The following CTSH variants were observed in gnomAD, a reference collection of about 807,000 sequenced individuals.
The protein encoded by CTSH is pro-cathepsin H.
CTSH carries 52 observed loss-of-function variants against 56.3 expected under a neutral mutation model. The observed-to-expected ratio is 0.92, with a 90% confidence interval of 0.74 to 1.16. CTSH has a LOEUF of 1.16. Ranked by LOEUF, CTSH falls within the 50% of genes most tolerant of loss-of-function variation. The pLI is 0.00. For missense variants in CTSH, 406 were observed against 424.5 expected (o/e 0.96, Z 0.38); for synonymous variants, 174 against 155.7 (o/e 1.12, Z -0.88).
chr15:78,941,475 C>T (rs897393001), intron 1 of CTSH, among the ~76,000 whole-genome samples: 1 of 145,518 alleles, frequency 6.9e-6, no homozygotes, highest in African/African-American at 2.5e-5. Context: ...TACCTGTGAC[C>T]CATACATCTG....
intron 1 of CTSH, among the ~76,000 whole-genome samples, chr15:78,940,991 A>G (rs1042261497): frequency 1.3e-5 from 2 of 152,104 alleles, no homozygotes; most frequent in Non-Finnish European, 2.9e-5. Context: ...AAAGAGTCAG[A>G]TATTATACAG....
chr15:78,923,647 C>T (rs186563508), intron 10 of CTSH, among the ~76,000 whole-genome samples: 9 of 152,232 alleles, frequency 5.9e-5, no homozygotes, highest in Admixed American at 1.3e-4. Flanking sequence ...GGTGCTGGCC[C>T]GTGTCTCACC....
intron 5 of CTSH, among the ~76,000 whole-genome samples, chr15:78,934,027 G>A (rs2055121138): frequency 6.6e-6 from 1 of 152,188 alleles, no homozygotes; most frequent in South Asian, 2.1e-4. Flanking sequence ...TAGGTTACGT[G>A]TTGCTCTGAA....
At chr15:78,936,205 C>G (rs1162117481) in intron 3 of CTSH, among the ~76,000 whole-genome samples, 1 of 120,656 alleles carries the variant, frequency 8.3e-6, no homozygotes, top group African/African-American at 3.1e-5. Context: ...TTTTTTGAGA[C>G]AGAGTCTCGC....
At chr15:78,924,151 G>A (rs1172904192) in intron 10 of CTSH, among the ~76,000 whole-genome samples, 6 of 150,136 alleles carry the variant, frequency 4.0e-5, no homozygotes, top group Non-Finnish European at 5.9e-5. Flanking sequence ...CTGTGGAGGC[G>A]GGGAACGCCC....
intron 10 of CTSH, 22 bp from the exon 11 acceptor site, chr15:78,923,140 G>A (rs1000761720): frequency 2.5e-6 from 4 of 1,612,594 alleles, no homozygotes; most frequent in African/African-American, 2.7e-5. Context: ...AATTCAAAAA[G>A]AGGTGATCAT....
At chr15:78,926,485 C>T (rs1261427334) in intron 9 of CTSH, 1 of 152,298 alleles carries the variant, frequency 6.6e-6, no homozygotes, top group Non-Finnish European at 1.5e-5. Context: ...CTGGCCTGGT[C>T]GTCAGGGCCC....
At chr15:78,922,884 G>T in intron 11 of CTSH, 109 bp downstream of exon 11, 2 of 1,376,030 alleles carry the variant, frequency 1.5e-6, no homozygotes, top group South Asian at 1.5e-5. Context: ...GGGCTTGGCT[G>T]ACCAGCTCGT....
intron 2 of CTSH, 114 bp downstream of exon 2, chr15:78,939,026 C>A: frequency 2.1e-6 from 2 of 967,938 alleles, no homozygotes; most frequent in Non-Finnish European, 1.6e-6. Context: ...AAAGACCCCA[C>A]TAGGCAAAGT....
chr15:78,933,605 C>A, intron 5 of CTSH: 1 of 445,198 alleles, frequency 2.2e-6, no homozygotes. Context: ...AGACAGTCAA[C>A]GAGGCAGACG....
chr15:78,931,568 G>A lies in CTSH; in HGVS notation c.493-62C>T, dbSNP rs868445396. 1.5e-5 allele frequency: 25 copies of A among 1,613,120 alleles called. No homozygotes were observed. In the African/African-American group the frequency reaches 2.8e-4, roughly 18 times the overall value. On this transcript the variant is annotated intron_variant, in intron 6 of 11. Coordinates refer to ENST00000220166, the MANE Select transcript of CTSH (RefSeq NM_004390.5). ...AGAAGCCGTCAAGGCTTTGGCGTGAGGCGCTAAGCCTCCCTGGCTGAGCCA... is the reference window on the plus strand; with the variant it reads ...AGAAGCCGTCAAGGCTTTGGCGTGAAGCGCTAAGCCTCCCTGGCTGAGCCA...
chr15:78,926,136 C>G (rs1298239042), intron 9 of CTSH: 1 of 152,512 alleles, frequency 6.6e-6, no homozygotes, highest in African/African-American at 2.4e-5. Flanking sequence ...GTGCACTAAC[C>G]AAGAGACCTC....
Position 78,922,204 on chromosome 15 carries a change from A to G in CTSH, c.934T>C (p.Tyr312His), listed in dbSNP as rs763681188. ...TTCTTTCCGCGCTCGATGAGGAAGTACCTGGGCAGAAAGAGGAGCTGAGGC... is the reference window on the plus strand; with the variant it reads ...TTCTTTCCGCGCTCGATGAGGAAGTGCCTGGGCAGAAAGAGGAGCTGAGGC... ...SWGPQWGMNG[Y>H]FLIERGKNMC... Residue 312 changes from tyrosine (Y) to histidine (H), a missense_variant and splice_region_variant, in exon 12 of 12, where the codon TAC (tyrosine) becomes CAC (histidine). Transcript: ENST00000220166. The G allele has an allele frequency of 2.7e-5, 42 of 1,573,044 alleles. No homozygotes were observed. Among genetic ancestry groups the G allele is most frequent in the Non-Finnish European group, 3.6e-5 (42 of 1,159,584 alleles).
intron 1 of CTSH, among the ~76,000 whole-genome samples, chr15:78,941,422 T>TAAAAAA (rs35226827): frequency 2.1e-5 from 1 of 48,448 alleles, no homozygotes; most frequent in Non-Finnish European, 3.2e-5. Flanking sequence ...AGACTCTGTC[T>TAAAAAA]AAAAAAAAAA....
At chr15:78,930,027 C>T (rs2055015602) in intron 7 of CTSH, among the ~76,000 whole-genome samples, 1 of 152,230 alleles carries the variant, frequency 6.6e-6, no homozygotes, top group African/African-American at 2.4e-5. Context: ...CAATCCCCGT[C>T]CCTTCTCTGT....
chr15:78,927,935 A>T (rs544174259), intron 8 of CTSH, among the ~76,000 whole-genome samples, 154 bp from the exon 9 acceptor site: 6 of 152,180 alleles, frequency 3.9e-5, no homozygotes, highest in African/African-American at 1.2e-4. Flanking sequence ...CTTGTCCTCA[A>T]GGAGCTTAGG....
At chr15:78,923,155 G>A in intron 10 of CTSH, 37 bp from the exon 11 acceptor site, 1 of 1,611,022 alleles carries the variant, frequency 6.2e-7, no homozygotes, top group East Asian at 2.2e-5. Context: ...GATCATATGG[G>A]AAGGATAAAA....
rs190446665 is a variant in CTSH, at chr15:78,923,185, A to G, written c.807-67T>C. On this transcript the variant is annotated intron_variant, in intron 10 of 11. Coordinates refer to ENST00000220166, the MANE Select transcript of CTSH (RefSeq NM_004390.5). ...ATAAAAGCAATGACAGTCCCATCCA[A>G]CAACGCCTCTTTGAGCGCTTTAGAG... 178 of 1,582,082 alleles carry G rather than the reference A, an allele frequency of 1.1e-4. No homozygotes were observed. The African/African-American group carries it at 2.0e-3, about 18-fold the overall frequency.
chr15:78,931,772 C>T, intron 6 of CTSH: 1 of 1,393,542 alleles, frequency 7.2e-7, no homozygotes, highest in Non-Finnish European at 9.3e-7. Context: ...GGTCCAAACC[C>T]CTGCCCCGTA....
Sources: gnomAD v4.1 joint callset for allele counts (sites outside exome capture counted in the v4.1 genomes callset) on GRCh38, gnomAD v4.1.1 for gene constraint, MANE v1.5 for transcripts, NCBI Gene and HGNC (gene_info 2026-07-23, HGNC 2026-07-21) for gene names.